The following KIF11 variants were observed in gnomAD, a reference collection of about 807,000 sequenced individuals.
The protein encoded by KIF11 is kinesin family member 11.
KIF11 carries 9 observed loss-of-function variants against 121.0 expected under a neutral mutation model. The ratio of observed to expected loss-of-function variants is 0.07; its 90% CI spans 0.04 to 0.13. KIF11 has a LOEUF of 0.13. KIF11 is among the 10% of genes least tolerant of loss of function. KIF11 has a pLI of 1.00. For synonymous variants in KIF11, 408 were observed against 421.0 expected (o/e 0.97, Z 0.38); for missense variants, 846 against 1,217.5 (o/e 0.69, Z 4.54).
chr10:92,645,858 T>TTTCCTGTA, intron 18 of KIF11, among the ~76,000 whole-genome samples: 1 of 152,310 alleles, frequency 6.6e-6, no homozygotes, highest in East Asian at 1.9e-4. Flanking sequence ...GTACAGTTTC[T>TTTCCTGTA]TTCCTGTATT....
At chr10:92,631,997 T>C (rs562356084) in intron 12 of KIF11, among the ~76,000 whole-genome samples, 1 of 152,058 alleles carries the variant, frequency 6.6e-6, no homozygotes, top group East Asian at 1.9e-4. Context: ...TCTGAGGAAA[T>C]AGTAGAACAT....
chr10:92,653,731 G>A lies in KIF11; in HGVS notation c.3106G>A (p.Glu1036Lys), dbSNP rs753518962. 5.0e-6 allele frequency: 8 copies of A among 1,613,536 alleles called. No homozygotes were observed. In the South Asian group the frequency reaches 8.8e-5, roughly 18 times the overall value. Residue 1036 changes from glutamate (E) to lysine (K), a missense_variant, in exon 22 of 22, where the codon GAA becomes AAA. Glu to Lys is a moderately conservative substitution (Grantham distance 56, BLOSUM62 1). This residue lies in a region of KIF11 where 492 missense variants were observed against 603.4 expected (regional missense o/e 0.82). Coordinates refer to ENST00000260731, the MANE Select transcript of KIF11 (RefSeq NM_004523.4). Reference sequence around the variant, plus strand: ...TAACACACTGGAGAGGTCTAAAGTGGAAGAAACTACAGAGCACTTGGTTAC... The same window carrying A: ...TAACACACTGGAGAGGTCTAAAGTGAAAGAAACTACAGAGCACTTGGTTAC... ...GINTLERSKVEETTEHLVTKS... is the reference protein window; with the variant it reads ...GINTLERSKVKETTEHLVTKS...
chr10:92,622,638 A>C (rs1274445812), intron 10 of KIF11, among the ~76,000 whole-genome samples: 1 of 151,946 alleles, frequency 6.6e-6, no homozygotes, highest in Non-Finnish European at 1.5e-5. Flanking sequence ...GGAAAAAATA[A>C]TAATAAAATA....
chr10:92,630,147 C>T (rs1489705702), intron 11 of KIF11, 29 bp from the exon 12 acceptor site: 1 of 1,159,620 alleles, frequency 8.6e-7, no homozygotes, highest in Non-Finnish European at 1.2e-6. Context: ...TACCAGCCAG[C>T]TCAGCGTTTT....
chr10:92,619,206 C>T (rs556945771), intron 9 of KIF11, among the ~76,000 whole-genome samples: 10 of 151,922 alleles, frequency 6.6e-5, no homozygotes, highest in South Asian at 2.1e-4. Flanking sequence ...TTAGTAGAGA[C>T]GGGGTTTCAC....
intron 16 of KIF11, among the ~76,000 whole-genome samples, chr10:92,639,250 G>A (rs1844839420): frequency 6.6e-6 from 1 of 152,128 alleles, no homozygotes; most frequent in Non-Finnish European, 1.5e-5. Flanking sequence ...AAAGTAATTT[G>A]TTACTTACAG....
At chr10:92,651,045 T>G (rs1366673246) in intron 21 of KIF11, among the ~76,000 whole-genome samples, 1 of 148,748 alleles carries the variant, frequency 6.7e-6, no homozygotes, top group Non-Finnish European at 1.5e-5. Context: ...CCCACTCTTC[T>G]TTTTTTTTTG....
At position 92,593,415 on chromosome 10, in the gene KIF11, G is replaced by A; in HGVS notation, c.40G>A (p.Glu14Lys). Residue 14 changes from glutamate (E) to lysine (K), a missense_variant, in exon 1 of 22, where the codon GAG becomes AAG. Coordinates refer to ENST00000260731, the MANE Select transcript of KIF11 (RefSeq NM_004523.4). ...QPNSSAKKKEEKGKNIQVVVR... is the reference protein window; with the variant it reads ...QPNSSAKKKEKKGKNIQVVVR... ...AAATTCGTCTGCGAAGAAGAAAGAG[G>A]AGAAGGGGAAGAACATCCAGGTGGT... 1 of 1,611,550 alleles carries A rather than the reference G, an allele frequency of 6.2e-7. No homozygotes were observed. The highest frequency in any genetic ancestry group is 8.5e-7 in the Non-Finnish European group (1 of 1,179,122).
At chr10:92,650,923 A>G (rs1313143514) in intron 21 of KIF11, among the ~76,000 whole-genome samples, 2 of 152,076 alleles carry the variant, frequency 1.3e-5, no homozygotes, top group Admixed American at 6.6e-5. Context: ...CTCTTAGGTT[A>G]TATTAGTGAT....
chr10:92,620,994 C>T (rs1329558311), intron 9 of KIF11, among the ~76,000 whole-genome samples: 1 of 152,198 alleles, frequency 6.6e-6, no homozygotes, highest in Non-Finnish European at 1.5e-5. Flanking sequence ...ACCTAGTAGG[C>T]TTTGCTTAGC....
chr10:92,626,914 C>T (rs1564711096), intron 10 of KIF11, among the ~76,000 whole-genome samples: 1 of 152,204 alleles, frequency 6.6e-6, no homozygotes, highest in African/African-American at 2.4e-5. Context: ...TGCCCGCCAC[C>T]ACGCCCTGCT....
At chr10:92,608,075 A>C (rs559807518) in intron 4 of KIF11, among the ~76,000 whole-genome samples, 25 of 143,312 alleles carry the variant, frequency 1.7e-4, no homozygotes, top group Middle Eastern at 3.4e-3. Flanking sequence ...TCAAAAAAAA[A>C]CAAAAAAACA....
intron 10 of KIF11, among the ~76,000 whole-genome samples, chr10:92,623,490 CCTA>C (rs1468975062): frequency 1.3e-5 from 2 of 152,132 alleles, no homozygotes; most frequent in Middle Eastern, 3.2e-3. Context: ...AGATATTAGA[CCTA>C]ATAATAACCA....
intron 6 of KIF11, among the ~76,000 whole-genome samples, chr10:92,611,922 T>C (rs1844501710): frequency 6.6e-6 from 1 of 152,108 alleles, no homozygotes; most frequent in Non-Finnish European, 1.5e-5. Context: ...TACTTAATTT[T>C]TTTTTTAAGT....
chr10:92,627,919 T>G (rs10882094), intron 10 of KIF11, among the ~76,000 whole-genome samples: 8 of 152,040 alleles, frequency 5.3e-5, no homozygotes, highest in African/African-American at 1.9e-4. Context: ...TCCATCATTT[T>G]GTATGTAGAT....
At chr10:92,653,062 C>A (rs1051841527) in intron 21 of KIF11, among the ~76,000 whole-genome samples, 10 of 152,142 alleles carry the variant, frequency 6.6e-5, no homozygotes, top group Admixed American at 5.2e-4. Context: ...AAATAAAATA[C>A]AATTTTAAAA....
At chr10:92,597,294 C>A (rs1405954409) in intron 1 of KIF11, 5 of 217,472 alleles carry the variant, frequency 2.3e-5, no homozygotes, top group African/African-American at 1.2e-4. Context: ...GACAGAAAAT[C>A]GTTCTGTCAC....
chr10:92,650,558 C>A (rs1469693690), intron 21 of KIF11, 41 bp downstream of exon 21: 5 of 1,040,390 alleles, frequency 4.8e-6, no homozygotes, highest in South Asian at 3.8e-5. Context: ...TGATGTAAGT[C>A]ATTCATTTAC....
chr10:92,649,361 G>A (rs1021688827), intron 19 of KIF11, among the ~76,000 whole-genome samples: 2 of 152,130 alleles, frequency 1.3e-5, no homozygotes. Flanking sequence ...AGCACTTCGG[G>A]AGGCAAGGCA....
Sources: allele counts gnomAD v4.1 joint callset (sites outside exome capture counted in the v4.1 genomes callset), GRCh38; gene constraint gnomAD v4.1.1; regional missense constraint gnomAD v4.1.1; transcripts MANE v1.5; gene names NCBI Gene and HGNC (gene_info 2026-07-23, HGNC 2026-07-21).